USP31: variants seen among roughly 807,000 people sequenced by gnomAD.
USP31 encodes ubiquitin specific peptidase 31, also known as ubiquitin carboxyl-terminal hydrolase 31.
In USP31, 44 loss-of-function variants were observed where a neutral mutation model predicts 119.4. That is an observed-to-expected ratio of 0.37 (90% CI 0.29 to 0.47). USP31 has a LOEUF of 0.47. Among genes scored for constraint, USP31 ranks in the 20% least tolerant of loss-of-function variants. The pLI is 0.99. For synonymous variants in USP31, 749 were observed against 705.6 expected (o/e 1.06, Z -0.97); for missense variants, 1,643 against 1,730.2 (o/e 0.95, Z 0.89).
chr16:23,068,466 A>G lies in USP31; in HGVS notation c.3639T>C (p.Ser1213=). Reference sequence around the variant, plus strand: ...CAGACTTGCTGTCCCTCTTCAAACCAGACTTGATGCTTGTGCTGGGGGAGC... The same window carrying G: ...CAGACTTGCTGTCCCTCTTCAAACCGGACTTGATGCTTGTGCTGGGGGAGC... ...SLRSPSTSIK[S]GLKRDSKSED... The change falls in exon 16 of 16, where the codon TCT becomes TCC. Residue 1213 remains serine (S), a synonymous_variant. Coordinates refer to ENST00000219689, the MANE Select transcript of USP31 (RefSeq NM_020718.4). 1 of 1,613,194 alleles carries G rather than the reference A, an allele frequency of 6.2e-7. No homozygotes were observed.
chr16:23,115,051 G>A (rs1419474659), intron 1 of USP31, among the ~76,000 whole-genome samples: 2 of 152,094 alleles, frequency 1.3e-5, no homozygotes, highest in Non-Finnish European at 2.9e-5. Flanking sequence ...TTATCAAGAG[G>A]CAACTCACTG....
rs1383514467 is a variant in USP31, at chr16:23,068,629, G to C, written c.3476C>G (p.Ser1159Cys). Residue 1159 changes from serine to cysteine, a missense_variant, in exon 16 of 16, where the codon TCC (serine) becomes TGC (cysteine). Physicochemically the swap from Ser to Cys is moderately radical, Grantham distance 112. Around this residue, in one of 5 missense-constraint regions of USP31, gnomAD observed 699 missense variants for 650.9 expected, o/e 1.07. Coordinates refer to ENST00000219689, the MANE Select transcript of USP31 (RefSeq NM_020718.4). ...TSDHSLSREG[S>C]RQSLGSDRAS... ...TCTGTCAGAACCCAAGCTTTGTCTG[G>C]AGCCCTCTCTACTCAAGCTGTGGTC... 1 of 1,614,196 alleles carries C rather than the reference G, an allele frequency of 6.2e-7. No individual in the cohort carries two copies. The highest frequency in any genetic ancestry group is 1.7e-5 in the Admixed American group (1 of 60,016).
At chr16:23,137,374 T>C (rs532469845) in intron 1 of USP31, among the ~76,000 whole-genome samples, 12 of 152,288 alleles carry the variant, frequency 7.9e-5, no homozygotes, top group South Asian at 2.1e-4. Flanking sequence ...TAGTGGAAGA[T>C]AGTTTGACAG....
At position 23,064,870 on chromosome 16, in the gene USP31, C is replaced by G. The variant is rs143678712; in HGVS notation, c.*3176G>C. The stretch of plus-strand genomic sequence containing the variant: ...ATTGCAAAAGCGTGTCAGGCAGCCT[C>G]ACAGATAATTACAGTATTTTAGCAC... On this transcript the variant is annotated 3_prime_UTR_variant, in exon 16 of 16. Coordinates refer to ENST00000219689, the MANE Select transcript of USP31 (RefSeq NM_020718.4). The G allele has an allele frequency of 7.1e-4, 108 of 152,324 alleles. No individual in the cohort carries two copies. The highest frequency in any genetic ancestry group is 2.5e-3 in the African/African-American group (103 of 41,558). 9.4% of individuals were successfully genotyped at this position (152,324 alleles called of 1,614,324 possible).
At chr16:23,119,476 A>G (rs1374806984) in intron 1 of USP31, among the ~76,000 whole-genome samples, 1 of 152,190 alleles carries the variant, frequency 6.6e-6, no homozygotes, top group East Asian at 1.9e-4. Context: ...TCAACAAAGT[A>G]CCTTAAAATG....
At chr16:23,141,660 T>C (rs1903356423) in intron 1 of USP31, among the ~76,000 whole-genome samples, 1 of 152,204 alleles carries the variant, frequency 6.6e-6, no homozygotes, top group Non-Finnish European at 1.5e-5. Flanking sequence ...TACAGGCACA[T>C]GCCACCATGT....
chr16:23,086,403 G>A (rs1901110670), intron 9 of USP31, among the ~76,000 whole-genome samples: 1 of 150,694 alleles, frequency 6.6e-6, no homozygotes, highest in Non-Finnish European at 1.5e-5. Flanking sequence ...GATACATAGT[G>A]TGTATATATG....
intron 1 of USP31, among the ~76,000 whole-genome samples, chr16:23,110,696 G>C (rs973752808): frequency 6.6e-6 from 1 of 152,140 alleles, no homozygotes; most frequent in Non-Finnish European, 1.5e-5. Context: ...TGAGGCCTGG[G>C]ACTACTCTCC....
In USP31 at chr16:23,102,323, T is replaced by C. The variant is rs759945613; in HGVS notation, c.1230A>G (p.Gln410=). The C allele has an allele frequency of 2.5e-6, 4 of 1,612,988 alleles. No individual in the cohort carries two copies. The highest frequency in any genetic ancestry group is 1.7e-5 in the Admixed American group (1 of 59,886). ...TGGAAACAGGAGCTCCCTTACCTCT[T>C]TGACTGAGAATTCCTTCAGGCCTAA... ...EIFRPEGILS[Q]RGIHLNNNLN... The change falls in exon 6 of 16, where the codon CAA becomes CAG. Residue 410 remains glutamine (Q), a synonymous_variant. Coordinates refer to ENST00000219689, the MANE Select transcript of USP31 (RefSeq NM_020718.4).
In USP31 at chr16:23,080,129, G is replaced by C. The variant is rs751808156; in HGVS notation, c.1993C>G (p.Pro665Ala). Reference sequence around the variant, plus strand: ...GGTGTCATGTCCAGGCCAGTCAAGGGGAATTTGACCATGTTCTGAAGTTTC... The same window carrying C: ...GGTGTCATGTCCAGGCCAGTCAAGGCGAATTTGACCATGTTCTGAAGTTTC... ...RMKLQNMVKFPLTGLDMTPHV... is the reference protein window; with the variant it reads ...RMKLQNMVKFALTGLDMTPHV... The change falls in exon 13 of 16, where the codon CCC becomes GCC. Residue 665 changes from proline to alanine, a missense_variant. Physicochemically the swap from Pro to Ala is conservative, Grantham distance 27. Around this residue, in one of 5 missense-constraint regions of USP31, gnomAD observed 279 missense variants for 372.2 expected, o/e 0.75. Coordinates refer to ENST00000219689, the MANE Select transcript of USP31 (RefSeq NM_020718.4). The C allele has an allele frequency of 6.3e-7, 1 of 1,590,486 alleles. No individual in the cohort carries two copies. Among genetic ancestry groups the C allele is most frequent in the Admixed American group, 1.8e-5 (1 of 55,158 alleles).
At chr16:23,141,840 T>C (rs1367524956) in intron 1 of USP31, among the ~76,000 whole-genome samples, 1 of 152,228 alleles carries the variant, frequency 6.6e-6, no homozygotes, top group East Asian at 1.9e-4. Context: ...ACTTGTACAA[T>C]ATGTGGCATG....
rs758368879 is a variant in USP31, at chr16:23,148,911, G to C, written c.360C>G (p.Ala120=). The change falls in exon 1 of 16, where the codon GCC becomes GCG. Residue 120 remains alanine (A), a synonymous_variant. Transcript: ENST00000219689. The part of the protein sequence containing the change: ...PPASPAPPAC[A]AEPVPGVAGL... ...CCGCCACGCCGGGCACCGGCTCGGC[G>C]GCGCAAGCGGGCGGCGCGGGAGAGG... 3.7e-6 allele frequency: 5 copies of C among 1,352,212 alleles called. No individual in the cohort carries two copies. The South Asian group carries it at 9.9e-5, about 27-fold the overall frequency. The allele number at this position is 1,352,212 out of a possible 1,614,324, so 83.8% of individuals were successfully genotyped here. A position where few individuals can be genotyped will look rare whatever the true frequency, so the allele number is the denominator to read the frequency against.
chr16:23,063,194 A>C lies in USP31; in HGVS notation c.*4852T>G, dbSNP rs900113096. 8 of 152,204 alleles carry C rather than the reference A, an allele frequency of 5.3e-5. No individual in the cohort carries two copies. The highest frequency in any genetic ancestry group is 1.9e-4 in the African/African-American group (8 of 41,444). The allele number at this position is 152,204 out of a possible 1,614,324, so 9.4% of individuals were successfully genotyped here. A position where few individuals can be genotyped will look rare whatever the true frequency, so the allele number is the denominator to read the frequency against. ...GGAAAATACATGTGTGAGATTCAAAAAAGTCTCTCAAATTTGCTGTGCACC... is the reference window on the plus strand; with the variant it reads ...GGAAAATACATGTGTGAGATTCAAACAAGTCTCTCAAATTTGCTGTGCACC... On this transcript the variant is annotated 3_prime_UTR_variant, in exon 16 of 16. Coordinates refer to ENST00000219689, the MANE Select transcript of USP31 (RefSeq NM_020718.4).
At position 23,148,997 on chromosome 16, in the gene USP31, T is replaced by C. The variant is rs1903625588; in HGVS notation, c.274A>G (p.Ser92Gly). The change falls in exon 1 of 16, where the codon AGC becomes GGC. Residue 92 changes from serine (S) to glycine (G), a missense_variant. Around this residue, in one of 5 missense-constraint regions of USP31, gnomAD observed 302 missense variants for 262.6 expected, o/e 1.15. Transcript: ENST00000219689. ...GAAPDRGGLR[S>G]CFPPGPAAAP... ...GCGGCCGGCCCGGGCGGGAAGCAGC[T>C]GCGGAGGCCGCCGCGGTCTGGGGCG... 1.9e-6 allele frequency: 2 copies of C among 1,077,860 alleles called. No individual in the cohort carries two copies. Among genetic ancestry groups the C allele is most frequent in the Admixed American group, 5.2e-5 (1 of 19,100 alleles). 66.8% of individuals were successfully genotyped at this position (1,077,860 alleles called of 1,614,324 possible).
intron 14 of USP31, 144 bp downstream of exon 14, chr16:23,073,578 T>G: frequency 1.8e-6 from 2 of 1,102,474 alleles, no homozygotes; most frequent in South Asian, 3.4e-5. Flanking sequence ...CTGCAGTCAT[T>G]TTAGTTTCCA....
chr16:23,146,428 A>C (rs1315361205), intron 1 of USP31, among the ~76,000 whole-genome samples: 1 of 152,080 alleles, frequency 6.6e-6, no homozygotes, highest in African/African-American at 2.4e-5. Flanking sequence ...GGAGGCTGAG[A>C]CAGGAGAATT....
At chr16:23,080,901 T>C (rs1323934822) in intron 12 of USP31, among the ~76,000 whole-genome samples, 1 of 152,186 alleles carries the variant, frequency 6.6e-6, no homozygotes, top group Non-Finnish European at 1.5e-5. Flanking sequence ...GCCTGAAGAA[T>C]CTGGAGTGTA....
rs1037926087 is a variant in USP31 at position 23,085,610 on chromosome 16, C to G, written c.1675G>C (p.Glu559Gln). 1.9e-6 allele frequency: 3 copies of G among 1,614,016 alleles called. No homozygotes were observed. Among genetic ancestry groups the G allele is most frequent in the South Asian group, 1.1e-5 (1 of 91,066 alleles). ...AAATCTCTTGTCTCCTTGTCCCACT[C>G]GACTACTAATTTCACATGAGCAGTG... Reference protein sequence around the residue: ...GGTAHVKLVVEWDKETRDFLF... With the variant: ...GGTAHVKLVVQWDKETRDFLF... Residue 559 changes from glutamate to glutamine, a missense_variant, in exon 10 of 16, where the codon GAG becomes CAG. This residue lies in a region of USP31 where 279 missense variants were observed against 372.2 expected (regional missense o/e 0.75). Coordinates refer to ENST00000219689, the MANE Select transcript of USP31 (RefSeq NM_020718.4).
chr16:23,088,321 C>T (rs374750768), intron 7 of USP31, among the ~76,000 whole-genome samples: 8 of 152,206 alleles, frequency 5.3e-5, no homozygotes, highest in African/African-American at 9.6e-5. Context: ...CCAAGCAGTA[C>T]TGTGGTTCTT....
Sources: gnomAD v4.1 joint callset for allele counts (sites outside exome capture counted in the v4.1 genomes callset) on GRCh38, gnomAD v4.1.1 for gene constraint, gnomAD v4.1.1 regional missense constraint, MANE v1.5 for transcripts, NCBI Gene and HGNC (gene_info 2026-07-23, HGNC 2026-07-21) for gene names.